The following LRRC1 variants were observed in gnomAD, a reference collection of about 807,000 sequenced individuals.
LRRC1 encodes leucine-rich repeat-containing protein 1.
Under a neutral mutation model 69.9 loss-of-function variants are expected in LRRC1, and 28 were observed. The ratio of observed to expected loss-of-function variants is 0.40; its 90% CI spans 0.30 to 0.55. The LOEUF (loss-of-function observed/expected upper bound fraction) is 0.55. LRRC1 is among the 20% of genes least tolerant of loss of function. The pLI is 0.47. For synonymous variants in LRRC1, 236 were observed against 240.2 expected (o/e 0.98, Z 0.16); for missense variants, 498 against 609.0 (o/e 0.82, Z 1.92).
At chr6:53,911,623 C>T (rs1359642054) in intron 10 of LRRC1, among the ~76,000 whole-genome samples, 2 of 152,194 alleles carry the variant, frequency 1.3e-5, no homozygotes, top group Non-Finnish European at 2.9e-5. Context: ...CAGCCTCAGC[C>T]AACTGCTGAC....
intron 7 of LRRC1, among the ~76,000 whole-genome samples, chr6:53,898,795 C>T (rs1300097819): frequency 6.6e-6 from 1 of 152,108 alleles, no homozygotes; most frequent in African/African-American, 2.4e-5. Context: ...GATCATAAGG[C>T]AATATCAGGT....
chr6:53,921,801 A>G (rs1768750658), intron 13 of LRRC1, among the ~76,000 whole-genome samples: 1 of 152,172 alleles, frequency 6.6e-6, no homozygotes, highest in African/African-American at 2.4e-5. Context: ...GATTTTAGGC[A>G]TTTACAATCG....
chr6:53,798,504 G>A lies in LRRC1; in HGVS notation c.159+3089G>A, dbSNP rs1295795544. On this transcript the variant is annotated intron_variant, in intron 1 of 13. Transcript: ENST00000370888. ...CACCATTCTCCTGCCTCAGCCTCTC[G>A]AGTAGCTGGGACTACAGGTGCCCAC... 2.6e-5 allele frequency among the ~76,000 whole-genome samples: 4 copies of A among 152,120 alleles called. No individual in the cohort carries two copies. The East Asian group carries it at 7.7e-4, about 29-fold the overall frequency.
chr6:53,898,188 GT>G (rs1408131840), intron 7 of LRRC1, among the ~76,000 whole-genome samples: 2 of 152,208 alleles, frequency 1.3e-5, no homozygotes, highest in Non-Finnish European at 2.9e-5. Flanking sequence ...TAGCACTGAA[GT>G]TTCCATGATG....
intron 2 of LRRC1, among the ~76,000 whole-genome samples, chr6:53,846,446 C>T (rs1479172474): frequency 6.6e-6 from 1 of 152,198 alleles, no homozygotes; most frequent in Non-Finnish European, 1.5e-5. Context: ...GCTCTGCTGT[C>T]AGCACGCGGT....
At chr6:53,799,131 TGA>T (rs1764392016) in intron 1 of LRRC1, among the ~76,000 whole-genome samples, 1 of 152,262 alleles carries the variant, frequency 6.6e-6, no homozygotes, top group Non-Finnish European at 1.5e-5. Flanking sequence ...TTTAAAAATT[TGA>T]ATTTCACCTT....
chr6:53,833,024 C>G (rs1765474193), intron 1 of LRRC1, among the ~76,000 whole-genome samples: 1 of 152,036 alleles, frequency 6.6e-6, no homozygotes, highest in Non-Finnish European at 1.5e-5. Context: ...AATCATTCCC[C>G]TATTGTTAGT....
intron 1 of LRRC1, among the ~76,000 whole-genome samples, chr6:53,811,171 T>C (rs1447445395): frequency 1.3e-5 from 2 of 152,230 alleles, no homozygotes; most frequent in Non-Finnish European, 2.9e-5. Flanking sequence ...CTAACCACTC[T>C]GTTTTAGTGC....
chr6:53,832,941 T>G (rs1485718460), intron 1 of LRRC1, among the ~76,000 whole-genome samples: 1 of 152,050 alleles, frequency 6.6e-6, no homozygotes. Flanking sequence ...ATTATATTAT[T>G]AAATATTCTC....
intron 2 of LRRC1, among the ~76,000 whole-genome samples, chr6:53,860,799 G>T (rs1260011505): frequency 1.1e-4 from 17 of 152,232 alleles, no homozygotes; most frequent in Non-Finnish European, 4.4e-5. Context: ...TTCAATGTAA[G>T]AGCAGAAATA....
At chr6:53,903,160 C>T (rs1199426331) in intron 9 of LRRC1, among the ~76,000 whole-genome samples, 1 of 152,100 alleles carries the variant, frequency 6.6e-6, no homozygotes, top group East Asian at 1.9e-4. Context: ...ACGAGATGGA[C>T]GTTGGCCAGG....
At chr6:53,808,754 C>T (rs1056822417) in intron 1 of LRRC1, among the ~76,000 whole-genome samples, 1 of 152,076 alleles carries the variant, frequency 6.6e-6, no homozygotes, top group Admixed American at 6.5e-5. Context: ...CAAAAGCCAC[C>T]TGATGAGCCA....
At position 53,920,692 on chromosome 6, in the gene LRRC1, G is replaced by A. The variant is rs747770606; in HGVS notation, c.1347G>A (p.Glu449=). 3 of 1,614,170 alleles carry A rather than the reference G, an allele frequency of 1.9e-6. No homozygotes were observed. Among genetic ancestry groups the A allele is most frequent in the African/African-American group, 1.3e-5 (1 of 75,042 alleles). ...VNDVSDEAWN[E]RAVNRVSAIR... ...ATGTCTCTGATGAAGCCTGGAACGA[G>A]CGTGCTGTCAACAGAGTCAGTGCGA... Residue 449 remains glutamate (E), a synonymous_variant, in exon 13 of 14, where the codon GAG becomes GAA. Coordinates refer to ENST00000370888, the MANE Select transcript of LRRC1 (RefSeq NM_018214.5).
intron 2 of LRRC1, among the ~76,000 whole-genome samples, chr6:53,862,171 T>C (rs1331985269): frequency 6.6e-6 from 1 of 152,304 alleles, no homozygotes; most frequent in South Asian, 2.1e-4. Context: ...TAAATGGGAA[T>C]GATTAAAATG....
intron 1 of LRRC1, among the ~76,000 whole-genome samples, chr6:53,817,199 A>G (rs980586369): frequency 6.6e-6 from 1 of 152,140 alleles, no homozygotes; most frequent in Non-Finnish European, 1.5e-5. Context: ...CCCAAGCATC[A>G]TAGCTGCCAT....
intron 8 of LRRC1, among the ~76,000 whole-genome samples, chr6:53,900,572 C>T (rs1304034024): frequency 6.6e-6 from 1 of 152,206 alleles, no homozygotes; most frequent in Non-Finnish European, 1.5e-5. Flanking sequence ...TCTAATTTGG[C>T]ATCCTAATAG....
chr6:53,912,161 C>T (rs1181787740), intron 10 of LRRC1, among the ~76,000 whole-genome samples: 1 of 152,122 alleles, frequency 6.6e-6, no homozygotes. Context: ...CTATACTTGC[C>T]AAGTACCTTG....
At chr6:53,808,642 A>C (rs911927232) in intron 1 of LRRC1, among the ~76,000 whole-genome samples, 1 of 152,114 alleles carries the variant, frequency 6.6e-6, no homozygotes, top group African/African-American at 2.4e-5. Flanking sequence ...AGAGTAGCAG[A>C]GCTGTGATTT....
At chr6:53,870,819 A>G (rs1766858958) in intron 2 of LRRC1, among the ~76,000 whole-genome samples, 1 of 152,086 alleles carries the variant, frequency 6.6e-6, no homozygotes, top group Admixed American at 6.5e-5. Context: ...GGCTCTCTTA[A>G]TCACTATTCA....
Sources: allele counts gnomAD v4.1 joint callset (sites outside exome capture counted in the v4.1 genomes callset), GRCh38; gene constraint gnomAD v4.1.1; transcripts MANE v1.5; gene names NCBI Gene and HGNC (gene_info 2026-07-23, HGNC 2026-07-21).